Variants in RNF169 observed in about 807,000 individuals in gnomAD.
RNF169 encodes the protein E3 ubiquitin-protein ligase RNF169.
In RNF169, 24 loss-of-function variants were observed where a neutral mutation model predicts 53.9. That is an observed-to-expected ratio of 0.45 (90% CI 0.32 to 0.63). The LOEUF (loss-of-function observed/expected upper bound fraction) is 0.63. Among genes scored for constraint, RNF169 ranks in the 20% least tolerant of loss-of-function variants. RNF169 has a pLI of 0.04. For synonymous variants in RNF169, 396 were observed against 363.5 expected (o/e 1.09, Z -1.02); for missense variants, 883 against 906.2 (o/e 0.97, Z 0.33).
chr11:74,756,788 A>C (rs2034990407), intron 1 of RNF169, among the ~76,000 whole-genome samples: 1 of 152,188 alleles, frequency 6.6e-6, no homozygotes, highest in Non-Finnish European at 1.5e-5. Flanking sequence ...CAGTTGCTGA[A>C]TAATAGTGGA....
chr11:74,803,177 C>G (rs888928782), intron 2 of RNF169, among the ~76,000 whole-genome samples: 8 of 151,600 alleles, frequency 5.3e-5, no homozygotes, highest in African/African-American at 2.0e-4. Context: ...GCTCCGCCTC[C>G]TGGGTTCATG....
intron 2 of RNF169, among the ~76,000 whole-genome samples, chr11:74,797,112 G>A (rs1344552405): frequency 6.6e-6 from 1 of 152,214 alleles, no homozygotes; most frequent in Non-Finnish European, 1.5e-5. Context: ...CCAGAGAACA[G>A]ACTAGTCAGA....
Position 74,836,898 on chromosome 11 carries a change from C to A in RNF169, c.*168C>A. 1.7e-6 allele frequency: 1 copy of A among 598,590 alleles called. No homozygotes were observed. Among genetic ancestry groups the A allele is most frequent in the Non-Finnish European group, 2.8e-6 (1 of 351,034 alleles). 37.1% of individuals were successfully genotyped at this position (598,590 alleles called of 1,614,324 possible). On this transcript the variant is annotated 3_prime_UTR_variant, in exon 6 of 6. Transcript: ENST00000299563. ...TCAATATCCAAGGGAAAAGCATCTCCGTTTCTCTGTGACCCAGGCCAGAAG... is the reference window on the plus strand; with the variant it reads ...TCAATATCCAAGGGAAAAGCATCTCAGTTTCTCTGTGACCCAGGCCAGAAG...
chr11:74,799,560 T>C (rs1591413401), intron 2 of RNF169, among the ~76,000 whole-genome samples: 1 of 152,336 alleles, frequency 6.6e-6, no homozygotes, highest in East Asian at 1.9e-4. Context: ...TCAGTAGTTA[T>C]AAGGTTACTA....
At chr11:74,830,160 CAAAAG>C (rs964814727) in intron 4 of RNF169, among the ~76,000 whole-genome samples, 1 of 151,550 alleles carries the variant, frequency 6.6e-6, no homozygotes, top group Admixed American at 6.6e-5. Flanking sequence ...ACACAGAAAA[CAAAAG>C]GAAAGAAATA....
At chr11:74,824,970 C>T (rs530903892) in intron 4 of RNF169, among the ~76,000 whole-genome samples, 1 of 152,198 alleles carries the variant, frequency 6.6e-6, no homozygotes, top group South Asian at 2.1e-4. Flanking sequence ...CTGAGACACA[C>T]CTTAGATCCA....
In RNF169 at chr11:74,835,624, CCT is replaced by C. The variant is rs761958010; in HGVS notation, c.1022_1023del (p.Pro341ArgfsTer21). ...TCAAAACAACCGCTGCGTCTCGGCC[CCT>C]GACTTAACCATCGAAAAGCGTCTAC... The part of the protein sequence containing the change: ...STQNNRCVSA[P>X]DLTIEKRLPF... On this transcript the variant is annotated frameshift_variant, in exon 6 of 6. Coordinates refer to ENST00000299563, the MANE Select transcript of RNF169 (RefSeq NM_001098638.2). LOFTEE classifies it high-confidence loss of function. 3 of 1,614,196 alleles carry C rather than the reference CCT, an allele frequency of 1.9e-6. No homozygotes were observed. The highest frequency in any genetic ancestry group is 2.5e-6 in the Non-Finnish European group (3 of 1,180,042).
At chr11:74,768,836 G>C (rs764239758) in intron 1 of RNF169, among the ~76,000 whole-genome samples, 6 of 152,044 alleles carry the variant, frequency 3.9e-5, no homozygotes, top group Non-Finnish European at 7.4e-5. Context: ...CTTGAGGCCA[G>C]GAGTTCAACA....
At position 74,763,114 on chromosome 11, in the gene RNF169, T is replaced by G. The variant is rs987002689; in HGVS notation, c.502+13732T>G. On this transcript the variant is annotated intron_variant, in intron 1 of 5. Transcript: ENST00000299563. ...TATGCAAAGAGAAAATGAAAAAAGT[T>G]TGCCTGAGAAATTGAAGCACAAGAT... Among the ~76,000 whole-genome samples the G allele has an allele frequency of 5.3e-5, 8 of 152,324 alleles. No individual in the cohort carries two copies. In the East Asian group the frequency reaches 1.3e-3, roughly 26 times the overall value.
intron 1 of RNF169, among the ~76,000 whole-genome samples, chr11:74,785,445 A>G (rs2135074108): frequency 6.6e-6 from 1 of 151,096 alleles, no homozygotes; most frequent in South Asian, 2.1e-4. Flanking sequence ...GCCCACAAAA[A>G]AAAAGTGAGG....
intron 1 of RNF169, among the ~76,000 whole-genome samples, chr11:74,786,197 C>T (rs1226468092): frequency 1.3e-5 from 2 of 151,398 alleles, no homozygotes; most frequent in Non-Finnish European, 2.9e-5. Flanking sequence ...TCTTGGCCTC[C>T]CAAAGTGCTG....
At chr11:74,826,574 C>G (rs1035179042) in intron 4 of RNF169, among the ~76,000 whole-genome samples, 3 of 152,194 alleles carry the variant, frequency 2.0e-5, no homozygotes, top group Admixed American at 2.0e-4. Context: ...TCCAACAGCC[C>G]CCCAAAGTCT....
In RNF169 at chr11:74,749,400, C is replaced by A; in HGVS notation, c.502+18C>A. On this transcript the variant is annotated intron_variant, in intron 1 of 5. Coordinates refer to ENST00000299563, the MANE Select transcript of RNF169 (RefSeq NM_001098638.2). ...GGAGCCAGGTGGAGCTTCCCCACTT[C>A]CCCTTAGGGTCTGGAGCGAGGCCGA... 1 of 1,246,534 alleles carries A rather than the reference C, an allele frequency of 8.0e-7. No homozygotes were observed. Among genetic ancestry groups the A allele is most frequent in the Non-Finnish European group, 1.0e-6 (1 of 991,260 alleles). The allele number at this position is 1,246,534 out of a possible 1,614,324, so 77.2% of individuals were successfully genotyped here.
At chr11:74,785,732 G>C (rs2035491038) in intron 1 of RNF169, among the ~76,000 whole-genome samples, 1 of 151,846 alleles carries the variant, frequency 6.6e-6, no homozygotes, top group Non-Finnish European at 1.5e-5. Context: ...TACTAATTTT[G>C]GTGACTGTAA....
chr11:74,792,435 TCTGTTGCCCAGG>T, intron 2 of RNF169, among the ~76,000 whole-genome samples: 1 of 152,110 alleles, frequency 6.6e-6, no homozygotes, highest in South Asian at 2.1e-4. Flanking sequence ...GGAGTCTTGC[TCTGTTGCCCAGG>T]CTGGAGTGCA....
intron 4 of RNF169, among the ~76,000 whole-genome samples, chr11:74,822,798 TTTTC>T (rs148718248): frequency 0.023 from 3,451 of 152,298 alleles, 144 homozygotes; most frequent in African/African-American, 0.079. Flanking sequence ...AATGTTGATG[TTTTC>T]TTTCTTTTCC....
rs189516779 is a variant in RNF169, at chr11:74,823,310, T to C, written c.842+5596T>C. Among the ~76,000 whole-genome samples, 17 of 152,322 alleles carry C rather than the reference T, an allele frequency of 1.1e-4. 1 individual carries two copies. The East Asian group carries it at 3.3e-3, about 29-fold the overall frequency. ...CTTTGCCTGGTGACATGAGCAAAAT[T>C]GGCAGAGCAGGGAACTCCAAAAGCC... On this transcript the variant is annotated intron_variant, in intron 4 of 5. Coordinates refer to ENST00000299563, the MANE Select transcript of RNF169 (RefSeq NM_001098638.2).
intron 2 of RNF169, among the ~76,000 whole-genome samples, chr11:74,792,003 A>G (rs983847247): frequency 2.0e-5 from 3 of 152,260 alleles, no homozygotes; most frequent in Admixed American, 2.0e-4. Flanking sequence ...CACTGAATGA[A>G]AAATCAGTGT....
intron 4 of RNF169, among the ~76,000 whole-genome samples, chr11:74,833,714 G>T (rs1192870773): frequency 6.6e-6 from 1 of 152,152 alleles, no homozygotes; most frequent in Non-Finnish European, 1.5e-5. Flanking sequence ...TACATGCTTG[G>T]TGAACAGACA....
Sources: gnomAD v4.1 joint callset for allele counts (sites outside exome capture counted in the v4.1 genomes callset) on GRCh38, gnomAD v4.1.1 for gene constraint, MANE v1.5 for transcripts, NCBI Gene and HGNC (gene_info 2026-07-23, HGNC 2026-07-21) for gene names.